CHODL: variants seen among roughly 807,000 people sequenced by gnomAD.
The protein encoded by CHODL is chondrolectin, also known as transmembrane protein MT75.
A neutral mutation model predicts 34.5 loss-of-function variants in CHODL; 29 were observed. The ratio of observed to expected loss-of-function variants is 0.84; its 90% confidence interval spans 0.63 to 1.15. The LOEUF is 1.15. Among genes scored for constraint, CHODL ranks in the 50% most tolerant of loss-of-function variants. The pLI is 0.00. For missense variants in CHODL, 332 were observed against 332.5 expected (o/e 1.00, Z 0.01); for synonymous variants, 125 against 116.1 (o/e 1.08, Z -0.49).
intron 2 of CHODL, among the ~76,000 whole-genome samples, chr21:18,183,192 G>A (rs1437559065): frequency 2.0e-5 from 3 of 152,110 alleles, no homozygotes; most frequent in African/African-American, 7.2e-5. Context: ...AGGTTTTTTG[G>A]GGGGTGGCCC....
At chr21:17,948,317 GAAAA>G (rs35727679) in intron 1 of CHODL, among the ~76,000 whole-genome samples, 2 of 149,104 alleles carry the variant, frequency 1.3e-5, no homozygotes, top group Non-Finnish European at 3.0e-5. Flanking sequence ...GAAGAAAAAA[GAAAA>G]AAAAAGTTTA....
rs77320795 is a variant in CHODL, at chr21:18,196,460, T to C, written c.-44-60049T>C. On this transcript the variant is annotated intron_variant, in intron 2 of 6. Coordinates refer to the CHODL transcript ENST00000400127. ...ATTTCAGTTTCCTACAGCATTGCTA[T>C]AGCATTGCTGTAGGAAATTAACAGT... 9.9e-3 allele frequency among the ~76,000 whole-genome samples: 1,507 copies of C among 152,312 alleles called. 33 individuals are homozygous for C. The highest frequency in any genetic ancestry group is 0.034 in the African/African-American group (1,425 of 41,566).
chr21:18,146,787 C>G (rs1387284679), intron 2 of CHODL, among the ~76,000 whole-genome samples: 1 of 152,162 alleles, frequency 6.6e-6, no homozygotes, highest in Non-Finnish European at 1.5e-5. Flanking sequence ...CCCTTGTAAC[C>G]AGTATTGTAA....
rs146011309 is a variant in CHODL at position 18,258,297 on chromosome 21, A to G, written c.547+1170A>G. 3.7e-4 allele frequency among the ~76,000 whole-genome samples: 56 copies of G among 151,880 alleles called. 2 individuals are homozygous for G. Among genetic ancestry groups the G allele is most frequent in the Admixed American group, 2.8e-3 (43 of 15,244 alleles). ...AATCTGTTATGCGCTTATGTCCTCT[A>G]TTTTTCTCTTGGAGAAATATAAAGT... On this transcript the variant is annotated intron_variant, in intron 3 of 5. Transcript: ENST00000299295.
At chr21:17,969,389 AT>A (rs2146360608) in intron 1 of CHODL, among the ~76,000 whole-genome samples, 1 of 152,372 alleles carries the variant, frequency 6.6e-6, no homozygotes, top group Admixed American at 6.5e-5. Context: ...ATAGAGGAGA[AT>A]AAATGCTAAC....
At chr21:18,043,048 T>C (rs2064395743) in intron 2 of CHODL, among the ~76,000 whole-genome samples, 1 of 151,980 alleles carries the variant, frequency 6.6e-6, no homozygotes, top group Non-Finnish European at 1.5e-5. Flanking sequence ...GGAAGACAAA[T>C]TATAACTGCA....
intron 2 of CHODL, among the ~76,000 whole-genome samples, chr21:18,084,741 G>T (rs192714755): frequency 1.1e-4 from 16 of 152,240 alleles, no homozygotes; most frequent in African/African-American, 3.6e-4. Flanking sequence ...TGTGTATTCT[G>T]TAGTTGTTGG....
At chr21:18,169,737 C>CT (rs2073204551) in intron 2 of CHODL, among the ~76,000 whole-genome samples, 1 of 151,874 alleles carries the variant, frequency 6.6e-6, no homozygotes, top group African/African-American at 2.4e-5. Flanking sequence ...AAAATATGAT[C>CT]ATTTTTTAGA....
chr21:18,108,756 T>C (rs1417647532), intron 2 of CHODL, among the ~76,000 whole-genome samples: 1 of 151,406 alleles, frequency 6.6e-6, no homozygotes, highest in African/African-American at 2.4e-5. Context: ...GGAGTGAGAG[T>C]AAGGGAGTCA....
At chr21:17,988,566 A>T (rs1373810980) in intron 1 of CHODL, among the ~76,000 whole-genome samples, 1 of 77,442 alleles carries the variant, frequency 1.3e-5, no homozygotes, top group African/African-American at 5.5e-5. Context: ...ACCCCACAAC[A>T]GTCCCCAGAG....
intron 1 of CHODL, among the ~76,000 whole-genome samples, chr21:18,255,546 G>A (rs895049222): frequency 1.3e-5 from 2 of 152,018 alleles, no homozygotes; most frequent in South Asian, 2.1e-4. Flanking sequence ...GTCTTTGAAA[G>A]ACCAGTTTGG....
chr21:18,036,682 C>G (rs2064314850), intron 2 of CHODL, among the ~76,000 whole-genome samples: 1 of 151,884 alleles, frequency 6.6e-6, no homozygotes, highest in South Asian at 2.1e-4. Context: ...AAATTTAAGG[C>G]AGTATTGGAA....
intron 1 of CHODL, among the ~76,000 whole-genome samples, chr21:17,972,890 T>G (rs1330244678): frequency 2.0e-5 from 3 of 152,146 alleles, no homozygotes; most frequent in African/African-American, 7.2e-5. Flanking sequence ...TGACTTCAAC[T>G]ATACTACAAT....
chr21:18,055,749 G>T (rs1568863543), intron 2 of CHODL, among the ~76,000 whole-genome samples: 1 of 151,996 alleles, frequency 6.6e-6, no homozygotes, highest in Non-Finnish European at 1.5e-5. Context: ...CAATACCAAG[G>T]TGGGGAAGAA....
intron 2 of CHODL, among the ~76,000 whole-genome samples, chr21:18,122,772 T>G (rs2065495535): frequency 6.6e-6 from 1 of 152,234 alleles, no homozygotes; most frequent in Non-Finnish European, 1.5e-5. Flanking sequence ...AAATAAATCC[T>G]GTAATCTTGA....
intron 2 of CHODL, among the ~76,000 whole-genome samples, chr21:18,183,543 T>C (rs1006130031): frequency 3.9e-5 from 6 of 152,238 alleles, no homozygotes; most frequent in Admixed American, 3.9e-4. Context: ...AATAATTTTC[T>C]CTTTTTTTCC....
At chr21:17,945,537 CA>C (rs2063400203) in intron 1 of CHODL, among the ~76,000 whole-genome samples, 1 of 151,910 alleles carries the variant, frequency 6.6e-6, no homozygotes, top group Non-Finnish European at 1.5e-5. Context: ...GAAGATAGAA[CA>C]TTGAAATTTT....
intron 2 of CHODL, among the ~76,000 whole-genome samples, chr21:18,172,571 ATT>A (rs368208061): frequency 0.14 from 14,899 of 104,546 alleles, 937 homozygotes; most frequent in East Asian, 0.35. Context: ...AGATTCAGCC[ATT>A]TTTTTTTTAA....
intron 1 of CHODL, among the ~76,000 whole-genome samples, chr21:17,973,896 T>G (rs1368072341): frequency 6.6e-6 from 1 of 152,094 alleles, no homozygotes; most frequent in East Asian, 1.9e-4. Context: ...CTCTTCCCCT[T>G]CCTCCTTGCT....
Sources: allele counts gnomAD v4.1 joint callset (sites outside exome capture counted in the v4.1 genomes callset), GRCh38; gene constraint gnomAD v4.1.1; transcripts MANE v1.5; gene names NCBI Gene and HGNC (gene_info 2026-07-23, HGNC 2026-07-21).